MECOM: variants seen among roughly 807,000 people sequenced by gnomAD.
The protein encoded by MECOM is MDS1 and EVI1 complex locus.
A neutral mutation model predicts 116.3 loss-of-function variants in MECOM; 13 were observed. The ratio of observed to expected loss-of-function variants is 0.11; its 90% CI spans 0.07 to 0.18. MECOM has a LOEUF of 0.18. Among genes scored for constraint, MECOM ranks in the 10% least tolerant of loss-of-function variants. MECOM has a pLI of 1.00. For missense variants in MECOM, 1,299 were observed against 1,509.0 expected, an observed-to-expected ratio of 0.86 and a Z score of 2.31; for synonymous variants, 528 against 535.2, an observed-to-expected ratio of 0.99 and a Z score of 0.19.
intron 2 of MECOM, among the ~76,000 whole-genome samples, chr3:169,232,354 G>A (rs1753502277): frequency 6.6e-6 from 1 of 151,776 alleles, no homozygotes; most frequent in Non-Finnish European, 1.5e-5. Context: ...ATTATTTGCT[G>A]TTCTTCCAAG....
intron 2 of MECOM, among the ~76,000 whole-genome samples, chr3:169,169,376 T>C (rs1310306711): frequency 6.6e-6 from 1 of 152,174 alleles, no homozygotes; most frequent in East Asian, 1.9e-4. Context: ...ACCTCATTAC[T>C]TCAAACTGAA....
At chr3:169,159,655 C>G (rs1742548127) in intron 2 of MECOM, among the ~76,000 whole-genome samples, 2 of 152,114 alleles carry the variant, frequency 1.3e-5, no homozygotes, top group African/African-American at 4.8e-5. Context: ...AGTGTAATAT[C>G]TGGTAAATAG....
At chr3:169,251,699 G>A (rs180771208) in intron 2 of MECOM, among the ~76,000 whole-genome samples, 14 of 152,244 alleles carry the variant, frequency 9.2e-5, no homozygotes, top group African/African-American at 2.4e-4. Flanking sequence ...AATGTGGACC[G>A]CACTACAGAG....
intron 1 of MECOM, among the ~76,000 whole-genome samples, chr3:169,394,419 G>A (rs1399509419): frequency 1.3e-5 from 2 of 152,150 alleles, no homozygotes; most frequent in African/African-American, 4.8e-5. Flanking sequence ...AACTCTAAAA[G>A]TGATATTCCA....
Position 169,617,359 on chromosome 3 carries a change from G to A in MECOM, c.37+45977C>T, listed in dbSNP as rs1054742310. ...GAAGGAGTCTTGACCTGACTTCAAT[G>A]TTTACATAAATCACCTGCGAATGTT... On this transcript the variant is annotated intron_variant, in intron 1 of 16. Transcript: ENST00000651503. 1.3e-4 allele frequency among the ~76,000 whole-genome samples: 20 copies of A among 152,170 alleles called. 1 individual carries two copies. The highest frequency in any genetic ancestry group is 7.3e-5 in the Non-Finnish European group (5 of 68,036).
chr3:169,578,530 T>C (rs573606242), intron 1 of MECOM, among the ~76,000 whole-genome samples: 57 of 152,312 alleles, frequency 3.7e-4, no homozygotes, highest in African/African-American at 1.3e-3. Flanking sequence ...GATGATGAAA[T>C]GCTGCTAAAA....
At chr3:169,565,905 C>G (rs932184555) in intron 1 of MECOM, 2 of 435,552 alleles carry the variant, frequency 4.6e-6, no homozygotes, top group Admixed American at 2.5e-5. Flanking sequence ...TTAGTTTTCA[C>G]ACTCCTTTAA....
At chr3:169,571,030 G>GA (rs1325445601) in intron 1 of MECOM, among the ~76,000 whole-genome samples, 6 of 151,346 alleles carry the variant, frequency 4.0e-5, no homozygotes, top group Non-Finnish European at 5.9e-5. Flanking sequence ...ATTCAAATAG[G>GA]AAAAAAAAGG....
chr3:169,292,288 G>A (rs551685629), intron 2 of MECOM, among the ~76,000 whole-genome samples: 26 of 152,134 alleles, frequency 1.7e-4, no homozygotes, highest in African/African-American at 3.6e-4. Flanking sequence ...AGCTGAGATC[G>A]CACAACCACA....
intron 1 of MECOM, among the ~76,000 whole-genome samples, chr3:169,542,816 G>A (rs1444554522): frequency 6.6e-6 from 1 of 152,156 alleles, no homozygotes; most frequent in African/African-American, 2.4e-5. Context: ...TAAGTATTCT[G>A]GGGTTATCAT....
At chr3:169,648,012 C>T (rs929334926) in intron 1 of MECOM, among the ~76,000 whole-genome samples, 18 of 152,090 alleles carry the variant, frequency 1.2e-4, no homozygotes, top group Admixed American at 7.9e-4. Flanking sequence ...AAAACAAGTC[C>T]CTATCTTCAA....
At chr3:169,118,838 A>G (rs560283237) in intron 7 of MECOM, among the ~76,000 whole-genome samples, 73 of 152,206 alleles carry the variant, frequency 4.8e-4, no homozygotes, top group African/African-American at 1.7e-3. Context: ...GCTCAAGAAC[A>G]TCGAATCTGG....
At chr3:169,266,474 C>A (rs1430632004) in intron 2 of MECOM, among the ~76,000 whole-genome samples, 1 of 152,124 alleles carries the variant, frequency 6.6e-6, no homozygotes, top group Non-Finnish European at 1.5e-5. Flanking sequence ...TTTTTGTTGT[C>A]ATCTATGAAG....
At chr3:169,435,743 G>A (rs920982562) in intron 1 of MECOM, among the ~76,000 whole-genome samples, 1 of 152,092 alleles carries the variant, frequency 6.6e-6, no homozygotes, top group South Asian at 2.1e-4. Flanking sequence ...TATTTAGAAC[G>A]ACTTGTGCTT....
At chr3:169,352,282 G>A (rs535268316) in intron 2 of MECOM, among the ~76,000 whole-genome samples, 2 of 151,892 alleles carry the variant, frequency 1.3e-5, no homozygotes, top group South Asian at 4.1e-4. Context: ...ATTAATGGAA[G>A]TTAATAATTT....
chr3:169,542,192 CT>C (rs1560411741), intron 1 of MECOM, among the ~76,000 whole-genome samples: 1 of 151,972 alleles, frequency 6.6e-6, no homozygotes, highest in South Asian at 2.1e-4. Context: ...TAAATATACT[CT>C]TTTTTAAAAT....
intron 2 of MECOM, among the ~76,000 whole-genome samples, chr3:169,189,314 C>T (rs1168819870): frequency 6.6e-6 from 1 of 151,502 alleles, no homozygotes; most frequent in African/African-American, 2.4e-5. Flanking sequence ...CCAGTATAAT[C>T]ACTGAACGCT....
intron 2 of MECOM, among the ~76,000 whole-genome samples, chr3:169,180,830 A>C (rs560083673): frequency 2.0e-5 from 2 of 101,966 alleles, no homozygotes; most frequent in East Asian, 7.3e-4. Context: ...TGTGTGTATC[A>C]AAAGTTCCAA....
chr3:169,430,603 G>A (rs1031363319), intron 1 of MECOM, among the ~76,000 whole-genome samples: 2 of 152,012 alleles, frequency 1.3e-5, no homozygotes, highest in African/African-American at 2.4e-5. Context: ...AAGGCCTCCC[G>A]CACTATTTCC....
Sources: gnomAD v4.1 joint callset for allele counts (sites outside exome capture counted in the v4.1 genomes callset) on GRCh38, gnomAD v4.1.1 for gene constraint, MANE v1.5 for transcripts, NCBI Gene and HGNC (gene_info 2026-07-23, HGNC 2026-07-21) for gene names.